ALK: variants seen among roughly 807,000 people sequenced by gnomAD.
ALK encodes the protein ALK receptor tyrosine kinase, also known as ALK tyrosine kinase receptor.
In ALK, 74 loss-of-function variants were observed where a neutral mutation model predicts 163.1. That is an observed-to-expected ratio of 0.45 (90% confidence interval 0.38 to 0.55). The LOEUF is 0.55. Ranked by LOEUF, ALK falls within the 20% of genes least tolerant of loss-of-function variation. The pLI is 0.00. For missense variants in ALK, 2,063 were observed against 2,105.3 expected (o/e 0.98, Z 0.39); for synonymous variants, 960 against 843.2 (o/e 1.14, Z -2.40).
At chr2:29,641,499 C>A (rs767784091) in intron 3 of ALK, among the ~76,000 whole-genome samples, 12 of 152,114 alleles carry the variant, frequency 7.9e-5, no homozygotes, top group Non-Finnish European at 1.3e-4. Context: ...GAGACAGACA[C>A]TAATAACAAT....
At chr2:29,621,765 T>C (rs1313713330) in intron 3 of ALK, among the ~76,000 whole-genome samples, 1 of 152,160 alleles carries the variant, frequency 6.6e-6, no homozygotes, top group African/African-American at 2.4e-5. Flanking sequence ...CCTCAAGAAT[T>C]CAATTGCTTC....
intron 4 of ALK, among the ~76,000 whole-genome samples, chr2:29,427,961 C>T (rs1054234814): frequency 6.6e-6 from 1 of 151,942 alleles, no homozygotes; most frequent in African/African-American, 2.4e-5. Context: ...AATTAGAAAT[C>T]AATGCAGAAA....
At chr2:29,214,168 G>A (rs1669539260) in intron 23 of ALK, 87 bp from the exon 24 acceptor site, 2 of 1,141,710 alleles carry the variant, frequency 1.8e-6, no homozygotes, top group Non-Finnish European at 1.3e-6. Context: ...GTGCTCACAA[G>A]GAGGCAGACC....
At chr2:29,220,493 G>A (rs1669771335) in intron 23 of ALK, among the ~76,000 whole-genome samples, 1 of 152,172 alleles carries the variant, frequency 6.6e-6, no homozygotes, top group Admixed American at 6.5e-5. Flanking sequence ...CAGGAGCCTT[G>A]CACAAGCTCC....
At chr2:29,534,316 T>C (rs1673197328) in intron 3 of ALK, among the ~76,000 whole-genome samples, 2 of 152,170 alleles carry the variant, frequency 1.3e-5, no homozygotes, top group Non-Finnish European at 2.9e-5. Flanking sequence ...ATTCGAAGTG[T>C]TTGCTATATT....
At chr2:29,650,269 A>G (rs1257438422) in intron 3 of ALK, among the ~76,000 whole-genome samples, 1 of 152,154 alleles carries the variant, frequency 6.6e-6, no homozygotes, top group Non-Finnish European at 1.5e-5. Flanking sequence ...CAGTGACCAG[A>G]CCCCATCCTG....
intron 4 of ALK, among the ~76,000 whole-genome samples, chr2:29,501,555 C>T (rs886994833): frequency 6.6e-6 from 1 of 152,190 alleles, no homozygotes; most frequent in Non-Finnish European, 1.5e-5. Context: ...TCCTCTTCTT[C>T]CTCCTTCCGG....
intron 3 of ALK, among the ~76,000 whole-genome samples, chr2:29,599,085 T>G (rs762431405): frequency 6.6e-6 from 1 of 151,800 alleles, no homozygotes; most frequent in Non-Finnish European, 1.5e-5. Flanking sequence ...GTGTCATCAA[T>G]AGATAAGTTA....
chr2:29,480,889 T>G (rs1246248232), intron 4 of ALK, among the ~76,000 whole-genome samples: 3 of 151,378 alleles, frequency 2.0e-5, no homozygotes, highest in Non-Finnish European at 4.4e-5. Context: ...AGATTCTGAT[T>G]CACCAGGTCT....
chr2:29,237,368 C>T (rs896840089), intron 13 of ALK, among the ~76,000 whole-genome samples: 4 of 152,170 alleles, frequency 2.6e-5, no homozygotes, highest in Non-Finnish European at 5.9e-5. Context: ...CCTCAAAACC[C>T]TCCTATGGCT....
chr2:29,861,225 C>T (rs1666283409), intron 1 of ALK, among the ~76,000 whole-genome samples: 1 of 152,082 alleles, frequency 6.6e-6, no homozygotes, highest in South Asian at 2.1e-4. Flanking sequence ...AAACTAACAT[C>T]AGATCTCAAG....
At chr2:29,601,023 T>C (rs1573490490) in intron 3 of ALK, among the ~76,000 whole-genome samples, 1 of 152,218 alleles carries the variant, frequency 6.6e-6, no homozygotes, top group East Asian at 1.9e-4. Context: ...TGGTAGTCTA[T>C]TTTATGATTC....
At chr2:29,194,924 T>A (rs558310274) in intron 28 of ALK, among the ~76,000 whole-genome samples, 1 of 152,218 alleles carries the variant, frequency 6.6e-6, no homozygotes, top group Non-Finnish European at 1.5e-5. Context: ...GACTGTAACA[T>A]AGAAGAACAG....
At chr2:29,217,768 G>A (rs1669681569) in intron 23 of ALK, among the ~76,000 whole-genome samples, 1 of 152,104 alleles carries the variant, frequency 6.6e-6, no homozygotes, top group African/African-American at 2.4e-5. Context: ...GAACCCCTGG[G>A]AGTATCAGGA....
chr2:29,537,243 T>A (rs1673283190), intron 3 of ALK, among the ~76,000 whole-genome samples: 2 of 152,206 alleles, frequency 1.3e-5, no homozygotes, highest in African/African-American at 4.8e-5. Context: ...TCAAAACTAT[T>A]TGGGACAGCC....
At chr2:29,624,181 T>C (rs961255697) in intron 3 of ALK, among the ~76,000 whole-genome samples, 1 of 152,254 alleles carries the variant, frequency 6.6e-6, no homozygotes, top group African/African-American at 2.4e-5. Context: ...TCGCTGGTGG[T>C]AGAAACCCCA....
At chr2:29,264,873 G>T (rs767922123) in intron 11 of ALK, among the ~76,000 whole-genome samples, 2 of 152,104 alleles carry the variant, frequency 1.3e-5, no homozygotes, top group Non-Finnish European at 2.9e-5. Context: ...TGTCTCTTAC[G>T]CATGATTGGA....
chr2:29,617,788 G>C (rs1259458823), intron 3 of ALK, among the ~76,000 whole-genome samples: 1 of 152,060 alleles, frequency 6.6e-6, no homozygotes, highest in African/African-American at 2.4e-5. Context: ...AGTCTTCCTC[G>C]CCATTCTAAC....
intron 3 of ALK, among the ~76,000 whole-genome samples, chr2:29,539,513 T>C (rs888874795): frequency 6.6e-6 from 1 of 152,180 alleles, no homozygotes; most frequent in Admixed American, 6.5e-5. Flanking sequence ...TTACTTTGAT[T>C]ATTCTCAAAA....
Sources: gnomAD v4.1 joint callset for allele counts (sites outside exome capture counted in the v4.1 genomes callset) on GRCh38, gnomAD v4.1.1 for gene constraint, MANE v1.5 for transcripts, NCBI Gene and HGNC (gene_info 2026-07-23, HGNC 2026-07-21) for gene names.